Variants in DHRSX observed in about 807,000 individuals in gnomAD.
DHRSX encodes the protein polyprenol dehydrogenase.
In DHRSX, 31 loss-of-function variants were observed where a neutral mutation model predicts 34.0. The observed-to-expected ratio is 0.91, with a 90% confidence interval of 0.69 to 1.23. The LOEUF (loss-of-function observed/expected upper bound fraction) is 1.23. Ranked by LOEUF, DHRSX falls within the 50% of genes most tolerant of loss-of-function variation. DHRSX has a pLI of 0.00. For synonymous variants in DHRSX, 201 were observed against 183.8 expected (o/e 1.09, Z -0.76); for missense variants, 414 against 428.1 (o/e 0.97, Z 0.29).
chrX:2,491,779 G>A (rs1360295391), intron 1 of DHRSX, among the ~76,000 whole-genome samples: 1 of 152,158 alleles, frequency 6.6e-6, no homozygotes, highest in Non-Finnish European at 1.5e-5. Flanking sequence ...TCACACCTGT[G>A]GGCAGAAAGG....
At chrX:2,259,389 TATATAG>T (rs1219261802) in intron 5 of DHRSX, among the ~76,000 whole-genome samples, 1 of 60,044 alleles carries the variant, frequency 1.7e-5, no homozygotes, top group Non-Finnish European at 3.9e-5. Flanking sequence ...TATATATAGA[TATATAG>T]ATATATATAT....
At chrX:2,484,367 A>G (rs2044826035) in intron 1 of DHRSX, among the ~76,000 whole-genome samples, 1 of 152,130 alleles carries the variant, frequency 6.6e-6, no homozygotes, top group Non-Finnish European at 1.5e-5. Flanking sequence ...CTGACCCCTT[A>G]AAGTTGACAC....
At chrX:2,490,150 C>T in intron 1 of DHRSX, 1 of 1,613,964 alleles carries the variant, frequency 6.2e-7, no homozygotes, top group Non-Finnish European at 8.5e-7. Flanking sequence ...ACCAGGTGGC[C>T]TCGGCCAGCT....
chrX:2,491,066 G>T (rs867415986), intron 1 of DHRSX, among the ~76,000 whole-genome samples: 6 of 110,244 alleles, frequency 5.4e-5, no homozygotes, highest in East Asian at 5.3e-4. Flanking sequence ...AGTGCCTTTA[G>T]TTTTTTTTTT....
chrX:2,265,456 G>A (rs746990144), intron 5 of DHRSX, among the ~76,000 whole-genome samples: 3 of 128,996 alleles, frequency 2.3e-5, no homozygotes, highest in Non-Finnish European at 3.3e-5. Context: ...GACGCAGGGA[G>A]CACTGTCCCC....
intron 1 of DHRSX, among the ~76,000 whole-genome samples, chrX:2,495,862 T>G (rs2045271983): frequency 1.3e-5 from 2 of 151,862 alleles, no homozygotes; most frequent in Non-Finnish European, 2.9e-5. Context: ...GAGAGGCCAG[T>G]GGATGTGCCT....
chrX:2,413,646 A>G (rs1418508800), intron 2 of DHRSX, among the ~76,000 whole-genome samples: 1 of 152,182 alleles, frequency 6.6e-6, no homozygotes, highest in Non-Finnish European at 1.5e-5. Flanking sequence ...GGACAATACA[A>G]AGTATATGTG....
chrX:2,294,064 GAGAGAGAA>G (rs2041899886), intron 3 of DHRSX, among the ~76,000 whole-genome samples: 1 of 151,616 alleles, frequency 6.6e-6, no homozygotes, highest in Non-Finnish European at 1.5e-5. Flanking sequence ...GAAGCAGAGA[GAGAGAGAA>G]AGAGAGAAAG....
chrX:2,435,263 C>T (rs1054031432), intron 1 of DHRSX, among the ~76,000 whole-genome samples: 3 of 152,020 alleles, frequency 2.0e-5, no homozygotes, highest in South Asian at 2.1e-4. Flanking sequence ...GCACAGAACT[C>T]GGTACAAAAA....
intron 3 of DHRSX, among the ~76,000 whole-genome samples, chrX:2,328,201 T>C (rs1382314516): frequency 1.8e-4 from 24 of 133,568 alleles, no homozygotes; most frequent in South Asian, 5.1e-4. Context: ...CAGCCCTGCC[T>C]ACACCTTGAT....
chrX:2,242,839 C>T (rs149116725), intron 6 of DHRSX, among the ~76,000 whole-genome samples, 184 bp downstream of exon 6: 2 of 151,962 alleles, frequency 1.3e-5, no homozygotes, highest in Non-Finnish European at 2.9e-5. Context: ...GCTTTGTCTG[C>T]GGAGGAGCCA....
intron 1 of DHRSX, among the ~76,000 whole-genome samples, chrX:2,452,319 G>C (rs2044233464): frequency 6.6e-6 from 1 of 151,594 alleles, no homozygotes; most frequent in Non-Finnish European, 1.5e-5. Context: ...CCCTAAGAAT[G>C]CAGCCAAGGG....
At chrX:2,476,776 G>A (rs1369929821) in intron 1 of DHRSX, among the ~76,000 whole-genome samples, 3 of 152,174 alleles carry the variant, frequency 2.0e-5, no homozygotes, top group Admixed American at 1.3e-4. Flanking sequence ...GGCCAAAGCA[G>A]GCGGATTACC....
At chrX:2,235,836 G>A (rs1476912898) in intron 6 of DHRSX, among the ~76,000 whole-genome samples, 2 of 150,224 alleles carry the variant, frequency 1.3e-5, no homozygotes, top group Admixed American at 6.6e-5. Context: ...AAGCCAGGAC[G>A]GGTGCGGTGG....
At chrX:2,311,639 C>T (rs1401490127) in intron 3 of DHRSX, among the ~76,000 whole-genome samples, 1 of 152,184 alleles carries the variant, frequency 6.6e-6, no homozygotes, top group Non-Finnish European at 1.5e-5. Context: ...AGACAAGGCA[C>T]TACCCAAGGG....
chrX:2,392,032 C>T (rs368235154), intron 3 of DHRSX, among the ~76,000 whole-genome samples: 2 of 152,310 alleles, frequency 1.3e-5, no homozygotes, highest in South Asian at 2.1e-4. Context: ...ATGCATCCAA[C>T]GAAGTGAGGT....
At chrX:2,300,396 G>A (rs765523488) in intron 3 of DHRSX, among the ~76,000 whole-genome samples, 5 of 152,232 alleles carry the variant, frequency 3.3e-5, no homozygotes, top group South Asian at 4.1e-4. Context: ...GGTTAATGCC[G>A]AGTGTCAACC....
At chrX:2,257,185 A>C (rs957531233) in intron 5 of DHRSX, among the ~76,000 whole-genome samples, 20 of 152,116 alleles carry the variant, frequency 1.3e-4, no homozygotes, top group African/African-American at 4.3e-4. Context: ...TGAACTCCTG[A>C]CCTTGTGATC....
chrX:2,245,431 C>T (rs763577096), intron 5 of DHRSX, among the ~76,000 whole-genome samples: 1 of 152,034 alleles, frequency 6.6e-6, no homozygotes, highest in Non-Finnish European at 1.5e-5. Context: ...GCCTCAGCCT[C>T]CCGAGTAGCT....
Sources: allele counts gnomAD v4.1 joint callset (sites outside exome capture counted in the v4.1 genomes callset), GRCh38; gene constraint gnomAD v4.1.1; transcripts MANE v1.5; gene names NCBI Gene and HGNC (gene_info 2026-07-23, HGNC 2026-07-21).